CPXM2: variants seen among roughly 807,000 people sequenced by gnomAD.
CPXM2 encodes inactive carboxypeptidase-like protein X2.
Under a neutral mutation model 86.1 loss-of-function variants are expected in CPXM2, and 66 were observed. The observed-to-expected ratio is 0.77, with a 90% CI of 0.63 to 0.94. CPXM2 has a LOEUF of 0.94. Among genes scored for constraint, CPXM2 ranks in the 40% least tolerant of loss-of-function variants. The pLI is 0.00. For missense variants in CPXM2, 948 were observed against 1,026.3 expected (o/e 0.92, Z 1.04); for synonymous variants, 388 against 400.2 (o/e 0.97, Z 0.36).
intron 4 of CPXM2, among the ~76,000 whole-genome samples, chr10:123,812,585 T>A (rs551407466): frequency 6.6e-6 from 1 of 152,324 alleles, no homozygotes; most frequent in East Asian, 1.9e-4. Flanking sequence ...CCCTGGACCA[T>A]GAACCAGTAC....
chr10:123,895,112 CTTT>C (rs1198158013), upstream of CPXM2, among the ~76,000 whole-genome samples: 6 of 111,736 alleles, frequency 5.4e-5, no homozygotes, highest in Middle Eastern at 4.9e-3. Context: ...TTTTTTTTTT[CTTT>C]TTTTTCTTTT....
At chr10:123,769,526 G>C (rs944123224) in intron 8 of CPXM2, 10 of 152,342 alleles carry the variant, frequency 6.6e-5, no homozygotes, top group African/African-American at 2.2e-4. Context: ...AGGTTGTAAT[G>C]AGCCAAGACT....
At chr10:123,870,742 G>C (rs1430155895) in intron 2 of CPXM2, among the ~76,000 whole-genome samples, 1 of 152,118 alleles carries the variant, frequency 6.6e-6, no homozygotes, top group Admixed American at 6.5e-5. Context: ...CCTCATCACT[G>C]AGCTCCTCCA....
chr10:123,771,646 G>C (rs1846634437), intron 7 of CPXM2, among the ~76,000 whole-genome samples: 1 of 152,206 alleles, frequency 6.6e-6, no homozygotes, highest in Non-Finnish European at 1.5e-5. Context: ...TGAATGGACT[G>C]AGATACTTGC....
chr10:123,801,289 GCC>G (rs1260600978), intron 4 of CPXM2, among the ~76,000 whole-genome samples: 1 of 152,200 alleles, frequency 6.6e-6, no homozygotes, highest in Non-Finnish European at 1.5e-5. Context: ...TCTCTTGCCT[GCC>G]GCCAGGTGAG....
intron 6 of CPXM2, among the ~76,000 whole-genome samples, chr10:123,787,982 T>C (rs896047159): frequency 6.6e-6 from 1 of 152,082 alleles, no homozygotes; most frequent in Non-Finnish European, 1.5e-5. Context: ...CTTAGCCCTT[T>C]AGAAATGCAA....
upstream of CPXM2, among the ~76,000 whole-genome samples, chr10:123,942,130 G>A (rs1488037461): frequency 6.6e-6 from 1 of 152,204 alleles, no homozygotes; most frequent in Non-Finnish European, 1.5e-5. Flanking sequence ...CAGAAGTGCA[G>A]ATGGATTTTG....
At chr10:123,760,713 C>T (rs760596768) in intron 11 of CPXM2, among the ~76,000 whole-genome samples, 2 of 152,188 alleles carry the variant, frequency 1.3e-5, no homozygotes, top group South Asian at 2.1e-4. Flanking sequence ...GTGAGCCACA[C>T]GTCAAGCACA....
chr10:123,871,628 C>T (rs559212829), intron 2 of CPXM2, among the ~76,000 whole-genome samples: 21 of 152,162 alleles, frequency 1.4e-4, no homozygotes, highest in South Asian at 1.2e-3. Context: ...TAGAAGATAA[C>T]GTGAAAATAT....
intron 3 of CPXM2, among the ~76,000 whole-genome samples, chr10:123,857,630 G>A (rs1000087573): frequency 1.1e-5 from 1 of 93,328 alleles, no homozygotes; most frequent in African/African-American, 4.4e-5. Context: ...AAGGCGGCGT[G>A]GAGATGGAAG....
At chr10:123,803,116 C>A (rs1484054205) in intron 4 of CPXM2, among the ~76,000 whole-genome samples, 3 of 68,372 alleles carry the variant, frequency 4.4e-5, no homozygotes, top group East Asian at 2.7e-4. Context: ...CTTTGTAGTA[C>A]CCTTTTTTTT....
chr10:123,783,469 C>G (rs1016114888), intron 6 of CPXM2, among the ~76,000 whole-genome samples: 1 of 152,228 alleles, frequency 6.6e-6, no homozygotes, highest in Admixed American at 6.5e-5. Flanking sequence ...CAGAGATGAT[C>G]TCCCAGGATC....
intron 9 of CPXM2, 133 bp downstream of exon 9, chr10:123,768,388 TAAATA>T (rs1253050949): frequency 6.5e-6 from 1 of 154,566 alleles, no homozygotes; most frequent in Non-Finnish European, 1.1e-5. Flanking sequence ...AATAAATAAA[TAAATA>T]AATAAATAAA....
In CPXM2 at chr10:123,891,783, G is replaced by A; in HGVS notation, c.-124C>T. ...AGCAGAGCGGCGCGCTTGGGCGCGG[G>A]AGGCGGCCGGCTGGCTGCGCGTGTG... On this transcript the variant is annotated 5_prime_UTR_variant, in exon 1 of 14. Transcript: ENST00000241305. This position sits in a 1 kb window ranked among gnomAD's most constrained non-coding sequence, Gnocchi z 5.6. The A allele has an allele frequency of 3.4e-6, 2 of 589,796 alleles. No homozygotes were observed. Among genetic ancestry groups the A allele is most frequent in the East Asian group, 1.0e-4 (2 of 19,668 alleles). 36.5% of individuals were successfully genotyped at this position (589,796 alleles called of 1,614,324 possible).
chr10:123,841,898 C>T (rs1050395947), intron 4 of CPXM2, among the ~76,000 whole-genome samples: 7 of 152,214 alleles, frequency 4.6e-5, no homozygotes, highest in Non-Finnish European at 8.8e-5. Flanking sequence ...CTACTTCTCT[C>T]GTGATCCTCC....
intron 2 of CPXM2, among the ~76,000 whole-genome samples, chr10:123,904,488 T>A (rs1207087561): frequency 6.6e-6 from 1 of 152,200 alleles, no homozygotes; most frequent in Non-Finnish European, 1.5e-5. Context: ...AGTAAACAGG[T>A]TAACACATGC....
chr10:123,760,629 T>C lies in CPXM2; in HGVS notation c.1777+1243A>G, dbSNP rs530390546. Among the ~76,000 whole-genome samples the C allele has an allele frequency of 2.0e-5, 3 of 152,304 alleles. No individual in the cohort carries two copies. In the South Asian group the frequency reaches 6.2e-4, roughly 32 times the overall value. ...GAAACCGACAATAAGGATGTGCTCA[T>C]TTGAGGTTTCACAGCAGCCGTGTTA... On this transcript the variant is annotated intron_variant, in intron 11 of 13. Transcript: ENST00000241305.
chr10:123,857,841 T>C (rs1202526275), intron 3 of CPXM2, among the ~76,000 whole-genome samples: 1 of 152,218 alleles, frequency 6.6e-6, no homozygotes, highest in African/African-American at 2.4e-5. Flanking sequence ...TGTGGTCAGG[T>C]GCTGGTGCTG....
At chr10:123,798,607 G>T (rs906456581) in intron 5 of CPXM2, among the ~76,000 whole-genome samples, 1 of 152,156 alleles carries the variant, frequency 6.6e-6, no homozygotes, top group Non-Finnish European at 1.5e-5. Context: ...TGTGTAGGGG[G>T]TAAGAATGAG....
Sources: gnomAD v4.1 joint callset for allele counts (sites outside exome capture counted in the v4.1 genomes callset) on GRCh38, gnomAD v4.1.1 for gene constraint, Gnocchi (gnomAD v3.1) non-coding constraint, MANE v1.5 for transcripts, NCBI Gene and HGNC (gene_info 2026-07-23, HGNC 2026-07-21) for gene names.